SGCD: variants seen among roughly 807,000 people sequenced by gnomAD.
SGCD encodes the protein delta-sarcoglycan.
A neutral mutation model predicts 36.6 loss-of-function variants in SGCD; 18 were observed. The ratio of observed to expected loss-of-function variants is 0.49; its 90% confidence interval spans 0.34 to 0.73. SGCD has a LOEUF of 0.73. SGCD is among the 30% of genes least tolerant of loss of function. The probability of loss-of-function intolerance (pLI) is 0.01; values close to 1 mark genes in which losing one functional copy is unlikely to be tolerated. For missense variants in SGCD, 387 were observed against 346.7 expected, an observed-to-expected ratio of 1.12 and a Z score of -0.92; for synonymous variants, 133 against 130.6, an observed-to-expected ratio of 1.02 and a Z score of -0.12.
rs150630171 is a variant in SGCD at position 156,449,022 on chromosome 5, G to A, written c.193-59579G>A. Among the ~76,000 whole-genome samples the A allele has an allele frequency of 4.6e-5, 7 of 152,172 alleles. No individual in the cohort carries two copies. The East Asian group carries it at 1.4e-3, about 29-fold the overall frequency. Reference sequence around the variant, plus strand: ...ACCCACCTCAGCTTCCCAAAGTGCTGGGATTACACGAATGAGCCACTACAC... The same window carrying A: ...ACCCACCTCAGCTTCCCAAAGTGCTAGGATTACACGAATGAGCCACTACAC... On this transcript the variant is annotated intron_variant, in intron 3 of 8. Transcript: ENST00000337851.
intron 3 of SGCD, among the ~76,000 whole-genome samples, chr5:156,435,876 A>G (rs565588678): frequency 6.6e-6 from 1 of 152,280 alleles, no homozygotes; most frequent in Non-Finnish European, 1.5e-5. Flanking sequence ...CTTAACTCCC[A>G]ATGTTTACGC....
intron 7 of SGCD, among the ~76,000 whole-genome samples, chr5:156,670,019 C>T (rs1171763430): frequency 6.6e-6 from 1 of 152,168 alleles, no homozygotes; most frequent in Non-Finnish European, 1.5e-5. Context: ...CCCATCACGA[C>T]CAGCCCGTTT....
At chr5:155,746,987 C>G in the SGCD span, among the ~76,000 whole-genome samples, 1 of 152,126 alleles carries the variant, frequency 6.6e-6, no homozygotes, top group Non-Finnish European at 1.5e-5. Flanking sequence ...TCATATCCAG[C>G]ATGAATGTTT....
intron 3 of SGCD, among the ~76,000 whole-genome samples, chr5:156,364,726 A>G (rs1769997341): frequency 6.6e-6 from 1 of 152,186 alleles, no homozygotes; most frequent in African/African-American, 2.4e-5. Context: ...ATTGTTAGTG[A>G]CAGGACAGTG....
intron 3 of SGCD, among the ~76,000 whole-genome samples, chr5:156,498,274 A>AC (rs1265574134): frequency 2.0e-5 from 3 of 152,104 alleles, no homozygotes; most frequent in African/African-American, 7.2e-5. Context: ...AAAAAAAAAA[A>AC]AAAACACCTC....
At chr5:156,751,775 C>T (rs1229687787) in intron 7 of SGCD, among the ~76,000 whole-genome samples, 1 of 152,180 alleles carries the variant, frequency 6.6e-6, no homozygotes, top group African/African-American at 2.4e-5. Flanking sequence ...TCATACTTAG[C>T]TGTATCAAAT....
intron 1 of SGCD, among the ~76,000 whole-genome samples, chr5:155,978,617 C>G (rs1758168582): frequency 6.6e-6 from 1 of 152,216 alleles, no homozygotes; most frequent in African/African-American, 2.4e-5. Context: ...GACTTTGTTT[C>G]CCTTGTCTAG....
chr5:156,134,119 A>G (rs1168032508), intron 3 of SGCD, among the ~76,000 whole-genome samples: 1 of 151,926 alleles, frequency 6.6e-6, no homozygotes, highest in African/African-American at 2.4e-5. Flanking sequence ...TCCCCCTTCA[A>G]CTTGTTTATT....
intron 7 of SGCD, among the ~76,000 whole-genome samples, chr5:156,682,532 T>C (rs1019024722): frequency 2.0e-5 from 3 of 152,156 alleles, no homozygotes; most frequent in African/African-American, 4.8e-5. Flanking sequence ...AATGCAAAAG[T>C]CTGTTCAGCT....
At chr5:155,967,694 T>G (rs1757929329) in intron 1 of SGCD, among the ~76,000 whole-genome samples, 1 of 152,054 alleles carries the variant, frequency 6.6e-6, no homozygotes, top group Non-Finnish European at 1.5e-5. Context: ...TCAGTTTTAT[T>G]TATTATGCTG....
intron 7 of SGCD, among the ~76,000 whole-genome samples, chr5:156,702,215 A>G (rs1188541072): frequency 6.6e-6 from 1 of 152,178 alleles, no homozygotes; most frequent in Non-Finnish European, 1.5e-5. Context: ...ACTATTGTTT[A>G]CAACAGTGTT....
chr5:156,458,442 C>G, intron 3 of SGCD: 1 of 1,610,258 alleles, frequency 6.2e-7, no homozygotes. Flanking sequence ...AGGGTCAAAC[C>G]CTGATTCCCA....
At chr5:155,942,132 T>C (rs143953120) in intron 1 of SGCD, among the ~76,000 whole-genome samples, 1 of 152,290 alleles carries the variant, frequency 6.6e-6, no homozygotes, top group African/African-American at 2.4e-5. Context: ...TGTAATATAG[T>C]ATTACACATA....
the SGCD span, among the ~76,000 whole-genome samples, chr5:155,753,030 C>T: frequency 1.3e-5 from 2 of 151,972 alleles, no homozygotes; most frequent in Admixed American, 1.3e-4. Flanking sequence ...GATGTGGTTG[C>T]TCTGGTTACA....
chr5:156,635,098 C>T (rs1762775353), intron 6 of SGCD, among the ~76,000 whole-genome samples: 4 of 151,682 alleles, frequency 2.6e-5, no homozygotes, highest in Admixed American at 2.6e-4. Flanking sequence ...GGTGACATGT[C>T]CCGGTAGTCA....
chr5:156,395,320 G>T (rs977385673), intron 3 of SGCD, among the ~76,000 whole-genome samples: 7 of 152,210 alleles, frequency 4.6e-5, no homozygotes, highest in African/African-American at 1.4e-4. Flanking sequence ...ATGTATATTT[G>T]GCTTTCTCTG....
intron 1 of SGCD, among the ~76,000 whole-genome samples, chr5:155,954,833 T>C (rs1483380093): frequency 6.6e-6 from 1 of 152,126 alleles, no homozygotes; most frequent in Non-Finnish European, 1.5e-5. Flanking sequence ...TTCCAAGATC[T>C]GCAGTCAGCA....
chr5:155,773,511 A>T, the SGCD span, among the ~76,000 whole-genome samples: 2 of 152,204 alleles, frequency 1.3e-5, no homozygotes, highest in African/African-American at 2.4e-5. Context: ...CTTCTTTAAA[A>T]ATACCTGTGA....
intron 1 of SGCD, among the ~76,000 whole-genome samples, chr5:156,068,575 G>A (rs140303067): frequency 0.23 from 34,829 of 150,420 alleles, 4,910 homozygotes; most frequent in African/African-American, 0.39. Context: ...TAGTGCCGCA[G>A]TATACATATG....
Sources: allele counts gnomAD v4.1 joint callset (sites outside exome capture counted in the v4.1 genomes callset), GRCh38; gene constraint gnomAD v4.1.1; transcripts MANE v1.5; gene names NCBI Gene and HGNC (gene_info 2026-07-23, HGNC 2026-07-21).